DHX8: variants seen among roughly 807,000 people sequenced by gnomAD.
The protein encoded by DHX8 is DEAH-box helicase 8.
A neutral mutation model predicts 140.7 loss-of-function variants in DHX8; 67 were observed. That is an observed-to-expected ratio of 0.48 (90% CI 0.39 to 0.58). The LOEUF is 0.58. DHX8 is among the 20% of genes least tolerant of loss of function. DHX8 has a pLI of 0.00. For missense variants in DHX8, 887 were observed against 1,550.7 expected (o/e 0.57, Z 7.19); for synonymous variants, 533 against 553.2 (o/e 0.96, Z 0.51).
chr17:43,507,257 C>A, intron 13 of DHX8, 60 bp downstream of exon 13: 2 of 1,511,772 alleles, frequency 1.3e-6, no homozygotes, highest in Non-Finnish European at 1.8e-6. Flanking sequence ...GTCTCTTAAT[C>A]TATCAAATGG....
At chr17:43,542,149 G>C (rs1598217249) in intron 3 of DHX8, among the ~76,000 whole-genome samples, 1 of 152,180 alleles carries the variant, frequency 6.6e-6, no homozygotes, top group Non-Finnish European at 1.5e-5. Context: ...AGTGATTCCT[G>C]TGAAAAGGGG....
chr17:43,504,816 A>AT lies in DHX8; in HGVS notation c.1721dup (p.Leu574PhefsTer7). 1 of 1,613,740 alleles carries AT rather than the reference A, an allele frequency of 6.2e-7. No homozygotes were observed. Among genetic ancestry groups the AT allele is most frequent in the Non-Finnish European group, 8.5e-7 (1 of 1,179,826 alleles). ...TGCCCATCTACAAACTGAAGGAGCA[A>AT]TTGGTCCAGGTGAGAAGACTTTTAT... On this transcript the variant is annotated frameshift_variant, in exon 12 of 23. Transcript: ENST00000262415. LOFTEE classifies it high-confidence loss of function.
chr17:43,523,981 A>C lies in DHX8; in HGVS notation c.*134A>C. On this transcript the variant is annotated 3_prime_UTR_variant, in exon 23 of 23. Coordinates refer to ENST00000262415, the MANE Select transcript of DHX8 (RefSeq NM_004941.3). The stretch of plus-strand genomic sequence containing the variant: ...TGAGCATTTTCTCAACTCGACTCTC[A>C]TTTCTTCCCTGCTGGTAAAATAGAA... The C allele has an allele frequency of 1.6e-5, 24 of 1,454,722 alleles. No individual in the cohort carries two copies. Among genetic ancestry groups the C allele is most frequent in the Admixed American group, 7.8e-5 (3 of 38,608 alleles). 90.1% of individuals were successfully genotyped at this position (1,454,722 alleles called of 1,614,324 possible).
At chr17:43,535,355 G>T (rs1176744831) in intron 2 of DHX8, among the ~76,000 whole-genome samples, 2 of 152,118 alleles carry the variant, frequency 1.3e-5, no homozygotes, top group East Asian at 3.9e-4. Context: ...TTGCCTCACT[G>T]CAACCTCCGC....
At chr17:43,544,791 A>G (rs558536922), downstream of DHX8, 95 of 592,774 alleles carry the variant, frequency 1.6e-4, 1 homozygote, top group East Asian at 1.0e-3. Context: ...AAATATCAAT[A>G]TAAGTGTCCA....
chr17:43,504,875 A>G (rs1183291375), intron 12 of DHX8, 50 bp downstream of exon 12: 1 of 1,512,588 alleles, frequency 6.6e-7, no homozygotes, highest in Non-Finnish European at 9.0e-7. Context: ...TATTGTCTAA[A>G]AGAGGGGTGA....
chr17:43,516,896 A>C (rs550547477), intron 17 of DHX8, among the ~76,000 whole-genome samples: 13 of 152,186 alleles, frequency 8.5e-5, no homozygotes, highest in African/African-American at 3.1e-4. Flanking sequence ...GCGCCACACT[A>C]TTTTGAAGAT....
Position 43,496,287 on chromosome 17 carries a change from C to A in DHX8, c.1300+19C>A, listed in dbSNP as rs749640468. 1 of 1,578,654 alleles carries A rather than the reference C, an allele frequency of 6.3e-7. No homozygotes were observed. The highest frequency in any genetic ancestry group is 8.7e-7 in the Non-Finnish European group (1 of 1,149,708). ...GAAGAAGGTAACTAGTCAGTTGGATCGAGAAGGGTAATTGGCAAGTTGAGC... is the reference window on the plus strand; with the variant it reads ...GAAGAAGGTAACTAGTCAGTTGGATAGAGAAGGGTAATTGGCAAGTTGAGC... On this transcript the variant is annotated intron_variant, in intron 9 of 22. Coordinates refer to ENST00000262415, the MANE Select transcript of DHX8 (RefSeq NM_004941.3).
chr17:43,492,207 A>C lies in DHX8; in HGVS notation c.418A>C (p.Lys140Gln). The C allele has an allele frequency of 6.2e-7, 1 of 1,614,116 alleles. No homozygotes were observed. The highest frequency in any genetic ancestry group is 8.5e-7 in the Non-Finnish European group (1 of 1,179,986). ...GACCATGTTGGATGAAGATGATGTGAAAGTTGCTGTGGATGTCCTGAAAGA... is the reference window on the plus strand; with the variant it reads ...GACCATGTTGGATGAAGATGATGTGCAAGTTGCTGTGGATGTCCTGAAAGA... ...VRTMLDEDDV[K>Q]VAVDVLKELE... Residue 140 changes from lysine (K) to glutamine (Q), a missense_variant, in exon 5 of 23, where the codon AAA (lysine) becomes CAA (glutamine). Around this residue, in one of 9 missense-constraint regions of DHX8, gnomAD observed 304 missense variants for 306.9 expected, o/e 0.99. Transcript: ENST00000262415.
At chr17:43,530,607 CGCGTGTGTGTGTGTGT>C (rs1183325941), downstream of DHX8, among the ~76,000 whole-genome samples, 56 of 138,736 alleles carry the variant, frequency 4.0e-4, no homozygotes, top group African/African-American at 1.4e-3. Flanking sequence ...TGTGCACGCG[CGCGTGTGTGTGTGTGT>C]GTGTGTGTGT....
intron 17 of DHX8, among the ~76,000 whole-genome samples, chr17:43,516,291 G>A (rs1485185379): frequency 1.3e-5 from 2 of 151,864 alleles, no homozygotes; most frequent in African/African-American, 4.8e-5. Context: ...ACATTTTAGG[G>A]TTTTTTTCGC....
rs1053991499 is a variant in DHX8 at position 43,524,100 on chromosome 17, A to G, written c.*253A>G. On this transcript the variant is annotated 3_prime_UTR_variant, in exon 23 of 23. Coordinates refer to ENST00000262415, the MANE Select transcript of DHX8 (RefSeq NM_004941.3). ...GGGAGCTCATATCTAACACAGAGACACATTGCATCAACTTCAAGAAAGGGA... is the reference window on the plus strand; with the variant it reads ...GGGAGCTCATATCTAACACAGAGACGCATTGCATCAACTTCAAGAAAGGGA... The G allele has an allele frequency of 7.5e-7, 1 of 1,338,862 alleles. No homozygotes were observed. Among genetic ancestry groups the G allele is most frequent in the Admixed American group, 3.2e-5 (1 of 30,854 alleles). 82.9% of individuals were successfully genotyped at this position (1,338,862 alleles called of 1,614,324 possible). A position where few individuals can be genotyped will look rare whatever the true frequency, so the allele number is the denominator to read the frequency against.
downstream of DHX8, chr17:43,526,629 C>T (rs1035895427): frequency 1.2e-5 from 19 of 1,534,994 alleles, no homozygotes; most frequent in Non-Finnish European, 1.6e-5. Context: ...GGGCCATCAT[C>T]TCAGCTTGTG....
Position 43,516,765 on chromosome 17 carries a change from A to T in DHX8, c.2644-402A>T, listed in dbSNP as rs1314909381. 3.3e-5 allele frequency among the ~76,000 whole-genome samples: 5 copies of T among 152,328 alleles called. No homozygotes were observed. The East Asian group carries it at 7.7e-4, about 23-fold the overall frequency. ...CGCTTGGCCTGCAAACATAATTTTTAAAATGACTGCAGAGTCATCATTGGG... is the reference window on the plus strand; with the variant it reads ...CGCTTGGCCTGCAAACATAATTTTTTAAATGACTGCAGAGTCATCATTGGG... On this transcript the variant is annotated intron_variant, in intron 17 of 22. Coordinates refer to ENST00000262415, the MANE Select transcript of DHX8 (RefSeq NM_004941.3).
At chr17:43,515,891 T>G (rs1970090041) in intron 17 of DHX8, among the ~76,000 whole-genome samples, 1 of 152,206 alleles carries the variant, frequency 6.6e-6, no homozygotes, top group Non-Finnish European at 1.5e-5. Flanking sequence ...TGGTACTGTT[T>G]GTAACAACAG....
At chr17:43,504,611 GGACAATAC>G in intron 11 of DHX8, 25 bp from the exon 12 acceptor site, 1 of 1,580,244 alleles carries the variant, frequency 6.3e-7, no homozygotes. Context: ...GGTAGCTTGA[GGACAATAC>G]TAAGTTGCCT....
At chr17:43,520,312 G>A in intron 19 of DHX8, 45 bp downstream of exon 19, 1 of 1,603,918 alleles carries the variant, frequency 6.2e-7, no homozygotes, top group Non-Finnish European at 8.5e-7. Context: ...AAGATTCCCT[G>A]GTCAGCCTTT....
intron 18 of DHX8, chr17:43,518,040 T>G (rs1041330803): frequency 3.3e-5 from 5 of 152,212 alleles, no homozygotes; most frequent in African/African-American, 1.2e-4. Context: ...GGCTTGGACT[T>G]CAGCTCCAAA....
chr17:43,536,572 A>G (rs1301970389), intron 3 of DHX8: 1 of 1,089,356 alleles, frequency 9.2e-7, no homozygotes, highest in East Asian at 2.4e-5. Context: ...AGCAACAGCC[A>G]AGAAAGGACC....
Sources: gnomAD v4.1 joint callset for allele counts (sites outside exome capture counted in the v4.1 genomes callset) on GRCh38, gnomAD v4.1.1 for gene constraint, gnomAD v4.1.1 regional missense constraint, MANE v1.5 for transcripts, NCBI Gene and HGNC (gene_info 2026-07-23, HGNC 2026-07-21) for gene names.